Variants in AMOTL1 observed in about 807,000 individuals in gnomAD.
AMOTL1 encodes the protein angiomotin-like protein 1.
In AMOTL1, 45 loss-of-function variants were observed where a neutral mutation model predicts 102.9. That is an observed-to-expected ratio of 0.44 (90% CI 0.34 to 0.56). AMOTL1 has a LOEUF of 0.56. AMOTL1 is among the 20% of genes least tolerant of loss of function. The pLI, the probability that AMOTL1 is intolerant of heterozygous loss-of-function variation, is 0.01. For missense variants in AMOTL1, 1,114 were observed against 1,225.6 expected (o/e 0.91, Z 1.36); for synonymous variants, 481 against 484.7 (o/e 0.99, Z 0.10).
At position 94,809,570 on chromosome 11, in the gene AMOTL1, G is replaced by A. The variant is rs148870864; in HGVS notation, c.1121+9259G>A. ...AGCTCATGGTCTCCGAAGAGGAAGGGCAATCCAAGGGTGGTGCTTCTTGCC... is the reference window on the plus strand; with the variant it reads ...AGCTCATGGTCTCCGAAGAGGAAGGACAATCCAAGGGTGGTGCTTCTTGCC... On this transcript the variant is annotated intron_variant, in intron 3 of 12. Transcript: ENST00000433060. 2.3e-3 allele frequency among the ~76,000 whole-genome samples: 344 copies of A among 152,334 alleles called. 4 individuals carry two copies. Among genetic ancestry groups the A allele is most frequent in the African/African-American group, 7.5e-3 (312 of 41,572 alleles).
At chr11:94,795,800 T>C (rs73516107) in intron 2 of AMOTL1, among the ~76,000 whole-genome samples, 2,347 of 152,390 alleles carry the variant, frequency 0.015, 60 homozygotes, top group African/African-American at 0.054. Flanking sequence ...TTTGGAAATA[T>C]ATTTTGATTT....
chr11:94,795,129 GGAGGCAACCAGTA>G lies in AMOTL1; in HGVS notation c.170_182del (p.Glu57AlafsTer20). On this transcript the variant is annotated frameshift_variant, in exon 2 of 13. Transcript: ENST00000433060. LOFTEE classifies it high-confidence loss of function. ...GGCATGAAACATCTGCTTTGACGGT[GGAGGCAACCAGTA>G]GCATCAGGGAAAAAGTTGGTAAGTC... The G allele has an allele frequency of 3.7e-6, 6 of 1,613,814 alleles. No homozygotes were observed. Among genetic ancestry groups the G allele is most frequent in the Non-Finnish European group, 5.1e-6 (6 of 1,179,808 alleles).
intron 3 of AMOTL1, among the ~76,000 whole-genome samples, chr11:94,756,707 T>G (rs1443668645): frequency 1.3e-5 from 2 of 152,188 alleles, no homozygotes; most frequent in African/African-American, 4.8e-5. Context: ...TATTATTATG[T>G]CTTAATCTTC....
chr11:94,775,602 A>G (rs1951016467), intron 1 of AMOTL1, among the ~76,000 whole-genome samples: 1 of 152,140 alleles, frequency 6.6e-6, no homozygotes, highest in African/African-American at 2.4e-5. Context: ...ATTTAAATTA[A>G]TGAAAATTAA....
Position 94,865,997 on chromosome 11 carries a change from C to T in AMOTL1, c.2317C>T (p.Gln773Ter). The T allele has an allele frequency of 6.2e-7, 1 of 1,613,990 alleles. No individual in the cohort carries two copies. ...GAAAGATGCTATGATTAAGGTCCTG[C>T]AGCAGCGATCTCGTAAAGATGCCGG... ...IEKDAMIKVL[Q>*]QRSRKDAGKT... The change falls in exon 11 of 13, where the codon CAG (glutamine) becomes TAG (stop). Residue 773 changes from glutamine (Q) to a stop codon, truncating the protein, a stop_gained. Transcript: ENST00000433060. LOFTEE classifies it high-confidence loss of function.
In AMOTL1 at chr11:94,872,502, C is replaced by T. The variant is rs927106596; in HGVS notation, c.*1707C>T. 2.0e-5 allele frequency: 3 copies of T among 152,250 alleles called. No homozygotes were observed. Among genetic ancestry groups the T allele is most frequent in the African/African-American group, 4.8e-5 (2 of 41,434 alleles). The allele number at this position is 152,250 out of a possible 1,614,324, so 9.4% of individuals were successfully genotyped here. A position where few individuals can be genotyped will look rare whatever the true frequency, so the allele number is the denominator to read the frequency against. ...TGGACTGGTCTTGGGTGTGTAACCCCGGTGAAGTTATAGCCTCCCCAAATT... is the reference window on the plus strand; with the variant it reads ...TGGACTGGTCTTGGGTGTGTAACCCTGGTGAAGTTATAGCCTCCCCAAATT... On this transcript the variant is annotated 3_prime_UTR_variant, in exon 13 of 13. Transcript: ENST00000433060.
rs1951438744 is a variant in AMOTL1 at position 94,799,853 on chromosome 11, AG to A, written c.668del (p.Gly223AlafsTer14). 2 of 1,590,854 alleles carry A rather than the reference AG, an allele frequency of 1.3e-6. No homozygotes were observed. The highest frequency in any genetic ancestry group is 1.7e-6 in the Non-Finnish European group (2 of 1,168,294). ...CGGTGGGCCATGGTTACTACATGGC[AG>A]GGGGCACCAGTCAGAAGTCCCGAAC... ...GAVGHGYYMA[G>X]GTSQKSRTEG... is the part of the protein sequence containing the mutation. On this transcript the variant is annotated frameshift_variant, in exon 3 of 13. Coordinates refer to ENST00000433060, the MANE Select transcript of AMOTL1 (RefSeq NM_130847.3). LOFTEE classifies it high-confidence loss of function. The surrounding 1 kb of genome is among the most constrained non-coding windows in gnomAD (Gnocchi z 4.5).
At chr11:94,854,114 T>C (rs2135717198) in intron 8 of AMOTL1, 32 bp downstream of exon 8, 1 of 1,497,658 alleles carries the variant, frequency 6.7e-7, no homozygotes, top group Non-Finnish European at 8.9e-7. Flanking sequence ...GGTGAAAGAA[T>C]TAGATATGTT....
intron 6 of AMOTL1, among the ~76,000 whole-genome samples, chr11:94,840,376 T>G (rs1952272239): frequency 6.6e-6 from 1 of 152,028 alleles, no homozygotes; most frequent in South Asian, 2.1e-4. Context: ...CATCTGTTAC[T>G]AATTTTCTTT....
At chr11:94,786,367 A>G (rs1227379493) in intron 1 of AMOTL1, among the ~76,000 whole-genome samples, 1 of 151,900 alleles carries the variant, frequency 6.6e-6, no homozygotes, top group Admixed American at 6.6e-5. Context: ...TCCTTTTTTT[A>G]TTTACCGCAA....
intron 9 of AMOTL1, among the ~76,000 whole-genome samples, chr11:94,861,725 T>A (rs1056029826): frequency 1.3e-5 from 2 of 152,186 alleles, no homozygotes; most frequent in African/African-American, 2.4e-5. Context: ...TGTGTGACCT[T>A]GGAGGAATGA....
chr11:94,740,475 G>C (rs994430233), intron 2 of AMOTL1: 1 of 151,912 alleles, frequency 6.6e-6, no homozygotes, highest in South Asian at 2.1e-4. Flanking sequence ...GGGGATGCGC[G>C]GGGCGCCTGG....
chr11:94,859,773 AC>A (rs1436593468), intron 9 of AMOTL1, 58 bp downstream of exon 9: 5 of 1,500,632 alleles, frequency 3.3e-6, no homozygotes, highest in Non-Finnish European at 4.5e-6. Context: ...TCAAAACAAA[AC>A]AAACAGGCTA....
rs200263076 is a variant in AMOTL1 at position 94,850,098 on chromosome 11, C to T, written c.1649-16C>T. 1.8e-4 allele frequency: 278 copies of T among 1,573,154 alleles called. No individual in the cohort carries two copies. In the East Asian group the frequency reaches 2.6e-3, roughly 15 times the overall value. The stretch of plus-strand genomic sequence containing the variant: ...AATTTCTGATAGAGGTAGTTTTGTT[C>T]GTGTTTCCCTTCTAGACAAAGAATT... On this transcript the variant is annotated splice_polypyrimidine_tract_variant and intron_variant, in intron 6 of 12. Coordinates refer to ENST00000433060, the MANE Select transcript of AMOTL1 (RefSeq NM_130847.3).
intron 6 of AMOTL1, among the ~76,000 whole-genome samples, chr11:94,841,468 A>G (rs898317914): frequency 1.5e-4 from 23 of 152,172 alleles, no homozygotes; most frequent in African/African-American, 5.3e-4. Context: ...AGAAAGAAAG[A>G]AAAAAGAAGG....
chr11:94,857,271 G>A (rs1332143538), intron 8 of AMOTL1, among the ~76,000 whole-genome samples: 1 of 152,192 alleles, frequency 6.6e-6, no homozygotes, highest in South Asian at 2.1e-4. Flanking sequence ...TCTCACTGCT[G>A]TTCTCATTGC....
chr11:94,861,211 G>A (rs1051995283), intron 9 of AMOTL1, among the ~76,000 whole-genome samples: 8 of 152,188 alleles, frequency 5.3e-5, no homozygotes, highest in Admixed American at 5.2e-4. Context: ...GTGAAGTTCC[G>A]GGGTCCTGGG....
chr11:94,724,866 G>A (rs1950230413), intron 1 of AMOTL1, among the ~76,000 whole-genome samples: 1 of 152,112 alleles, frequency 6.6e-6, no homozygotes, highest in Non-Finnish European at 1.5e-5. Flanking sequence ...GTGTTCATAT[G>A]CGTTAGAACT....
At position 94,799,710 on chromosome 11, in the gene AMOTL1, A is replaced by G. The variant is rs1951434189; in HGVS notation, c.520A>G (p.Lys174Glu). Reference protein sequence around the residue: ...EHQVDNTVMEKQVRSTQPQQN... With the variant: ...EHQVDNTVMEEQVRSTQPQQN... ...CCAGGTGGACAATACGGTGATGGAG[A>G]AACAGGTCCGGTCCACGCAGCCTCA... Residue 174 changes from lysine (K) to glutamate (E), a missense_variant, in exon 3 of 13, where the codon AAA becomes GAA. Physicochemically the swap from Lys to Glu is moderately conservative, Grantham distance 56. Coordinates refer to ENST00000433060, the MANE Select transcript of AMOTL1 (RefSeq NM_130847.3). The surrounding 1 kb of genome is among the most constrained non-coding windows in gnomAD (Gnocchi z 4.5). 1 of 1,613,866 alleles carries G rather than the reference A, an allele frequency of 6.2e-7. No individual in the cohort carries two copies. The highest frequency in any genetic ancestry group is 8.5e-7 in the Non-Finnish European group (1 of 1,179,864).
Sources: allele counts gnomAD v4.1 joint callset (sites outside exome capture counted in the v4.1 genomes callset), GRCh38; gene constraint gnomAD v4.1.1; non-coding constraint Gnocchi (gnomAD v3.1); transcripts MANE v1.5; gene names NCBI Gene and HGNC (gene_info 2026-07-23, HGNC 2026-07-21).